GABRR3: variants seen among roughly 807,000 people sequenced by gnomAD.
GABRR3 encodes gamma-aminobutyric acid receptor subunit rho-3.
Under a neutral mutation model 43.2 loss-of-function variants are expected in GABRR3, and 29 were observed. That is an observed-to-expected ratio of 0.67 (90% CI 0.50 to 0.92). The LOEUF (loss-of-function observed/expected upper bound fraction) is 0.92. Among genes scored for constraint, GABRR3 ranks in the 40% least tolerant of loss-of-function variants. The pLI, the probability that GABRR3 is intolerant of heterozygous loss-of-function variation, is 0.00. For missense variants in GABRR3, 576 were observed against 572.3 expected, an observed-to-expected ratio of 1.01 and a Z score of -0.07; for synonymous variants, 206 against 195.9, an observed-to-expected ratio of 1.05 and a Z score of -0.43.
In GABRR3 at chr3:97,996,779, T is replaced by C. The variant is rs532706973; in HGVS notation, c.908-3731A>G. ...TTGACCCATCACACATTCCAAGTTA[T>C]GGTAGCTATTATCTCTTATGAGAAT... On this transcript the variant is annotated intron_variant, in intron 8 of 9. Transcript: ENST00000621172. Among the ~76,000 whole-genome samples, 19 of 152,366 alleles carry C rather than the reference T, an allele frequency of 1.2e-4. No homozygotes were observed. The South Asian group carries it at 2.1e-3, about 17-fold the overall frequency.
chr3:97,985,348 G>A (rs1706370401), downstream of GABRR3, among the ~76,000 whole-genome samples: 1 of 152,126 alleles, frequency 6.6e-6, no homozygotes, highest in South Asian at 2.1e-4. Context: ...AGATATTAAG[G>A]ATTACTATGG....
At chr3:98,001,840 GCTT>G (rs1706648307) in intron 7 of GABRR3, 73 bp from the exon 8 acceptor site, 1 of 1,529,690 alleles carries the variant, frequency 6.5e-7, no homozygotes, top group Non-Finnish European at 9.0e-7. Flanking sequence ...GAAATGACCT[GCTT>G]CTTTAGACTC....
intron 2 of GABRR3, 88 bp from the exon 3 acceptor site, chr3:98,025,767 A>C: frequency 2.6e-6 from 2 of 764,536 alleles, no homozygotes; most frequent in Non-Finnish European, 4.2e-6. Context: ...GCTCAACATA[A>C]CATGTTCTGA....
intron 3 of GABRR3, 65 bp from the exon 4 acceptor site, chr3:98,017,787 AC>A: frequency 8.6e-7 from 1 of 1,156,450 alleles, no homozygotes; most frequent in Non-Finnish European, 1.3e-6. Context: ...ACCATTTAAA[AC>A]AGAGAGATTA....
At chr3:98,001,506 T>C in intron 8 of GABRR3, 109 bp downstream of exon 8, 2 of 1,144,544 alleles carry the variant, frequency 1.7e-6, no homozygotes, top group African/African-American at 1.6e-5. Context: ...TCTCTGACTA[T>C]CCCTACTAAA....
intron 7 of GABRR3, among the ~76,000 whole-genome samples, chr3:98,002,470 C>T (rs1706662446): frequency 6.6e-6 from 1 of 152,164 alleles, no homozygotes; most frequent in Admixed American, 6.5e-5. Flanking sequence ...CCATTGACTA[C>T]AAGGAAGTTT....
chr3:98,033,940 T>C (rs756518417), intron 2 of GABRR3, among the ~76,000 whole-genome samples: 19 of 152,174 alleles, frequency 1.2e-4, no homozygotes, highest in Non-Finnish European at 2.6e-4. Context: ...CTTCAGAAGA[T>C]ATTTATCAAA....
intron 1 of GABRR3, 37 bp from the exon 2 acceptor site, chr3:98,035,026 C>T (rs769391248): frequency 2.4e-5 from 38 of 1,595,704 alleles, no homozygotes; most frequent in Middle Eastern, 1.7e-4. Flanking sequence ...TGCAGGTGAA[C>T]GCAACCAATA....
intron 6 of GABRR3, 69 bp downstream of exon 6, chr3:98,008,887 A>T: frequency 1.3e-6 from 1 of 776,796 alleles, no homozygotes. Flanking sequence ...GAGCATGCTT[A>T]TTTACATGTA....
chr3:97,998,576 T>C (rs1034004293), intron 8 of GABRR3: 24 of 152,132 alleles, frequency 1.6e-4, no homozygotes, highest in African/African-American at 5.8e-4. Context: ...TTTGGTGTAA[T>C]GTGAAGGGAG....
At chr3:98,034,425 T>C (rs893583673) in intron 2 of GABRR3, among the ~76,000 whole-genome samples, 1 of 152,158 alleles carries the variant, frequency 6.6e-6, no homozygotes, top group Non-Finnish European at 1.5e-5. Context: ...TTTAATGCCT[T>C]TTGATACTAT....
intron 2 of GABRR3, among the ~76,000 whole-genome samples, chr3:98,033,457 T>G (rs1055593669): frequency 2.0e-5 from 3 of 152,140 alleles, no homozygotes; most frequent in Non-Finnish European, 4.4e-5. Flanking sequence ...GTTCTTTTCT[T>G]TTTCTTTAAA....
intron 9 of GABRR3, among the ~76,000 whole-genome samples, chr3:97,988,754 G>C (rs962431115): frequency 1.1e-4 from 16 of 151,782 alleles, no homozygotes; most frequent in Admixed American, 6.6e-5. Context: ...GTCTGGTGGT[G>C]ATGGTAGATG....
chr3:97,990,138 C>G (rs1706443786), intron 9 of GABRR3, among the ~76,000 whole-genome samples: 1 of 152,198 alleles, frequency 6.6e-6, no homozygotes, highest in South Asian at 2.1e-4. Flanking sequence ...GTTCTGGGCA[C>G]TACTCACAAT....
intron 6 of GABRR3, among the ~76,000 whole-genome samples, chr3:98,008,333 T>C (rs1706748515): frequency 6.6e-6 from 1 of 152,314 alleles, no homozygotes; most frequent in Admixed American, 6.5e-5. Flanking sequence ...CAAGAAATTT[T>C]CTAAAGTCAA....
chr3:97,991,442 G>T (rs1706465193), intron 9 of GABRR3, among the ~76,000 whole-genome samples: 1 of 152,152 alleles, frequency 6.6e-6, no homozygotes, highest in Non-Finnish European at 1.5e-5. Flanking sequence ...AACAGCTCCT[G>T]GTTTCCTTAC....
rs1343262861 is a variant in GABRR3, at chr3:98,003,871, T to A, written c.755-2104A>T. On this transcript the variant is annotated intron_variant, in intron 7 of 9. Coordinates refer to ENST00000621172, the Ensembl canonical transcript of GABRR3. ...TCAGACCTGCTTGGGAGCCTGCCCA[T>A]CTCTCTCTAGAAAGCCTCATTATGT... is the stretch of plus-strand genomic sequence containing the variant. Among the ~76,000 whole-genome samples the A allele has an allele frequency of 3.3e-5, 5 of 152,128 alleles. No homozygotes were observed. The South Asian group carries it at 1.0e-3, about 32-fold the overall frequency.
At chr3:98,023,695 C>T (rs865963381) in intron 3 of GABRR3, among the ~76,000 whole-genome samples, 91 of 151,800 alleles carry the variant, frequency 6.0e-4, no homozygotes, top group African/African-American at 2.1e-3. Flanking sequence ...AAAAAAGAGA[C>T]ATATTTCTAA....
intron 3 of GABRR3, among the ~76,000 whole-genome samples, chr3:98,020,263 G>A (rs1450434773): frequency 6.6e-6 from 1 of 152,044 alleles, no homozygotes; most frequent in Non-Finnish European, 1.5e-5. Context: ...TATAAAATTT[G>A]TCTAGTAATA....
Sources: allele counts gnomAD v4.1 joint callset (sites outside exome capture counted in the v4.1 genomes callset), GRCh38; gene constraint gnomAD v4.1.1; transcripts MANE v1.5; gene names NCBI Gene and HGNC (gene_info 2026-07-23, HGNC 2026-07-21).